The following GRK2 variants were observed in gnomAD, a reference collection of about 807,000 sequenced individuals.
GRK2 encodes the protein adrenergic beta receptor kinase 1.
A neutral mutation model predicts 97.8 loss-of-function variants in GRK2; 23 were observed. The ratio of observed to expected loss-of-function variants is 0.24; its 90% CI spans 0.17 to 0.33. The LOEUF is 0.33. Among genes scored for constraint, GRK2 ranks in the 10% least tolerant of loss-of-function variants. The pLI is 1.00. For synonymous variants in GRK2, 425 were observed against 381.7 expected (o/e 1.11, Z -1.32); for missense variants, 633 against 956.9 (o/e 0.66, Z 4.47).
intron 1 of GRK2, among the ~76,000 whole-genome samples, chr11:67,271,273 C>G (rs1468699030): frequency 6.6e-6 from 1 of 152,228 alleles, no homozygotes; most frequent in Non-Finnish European, 1.5e-5. Context: ...AACTGAGATA[C>G]TAAAAATGAG....
chr11:67,267,548 C>T (rs962854174), intron 1 of GRK2, among the ~76,000 whole-genome samples: 10 of 152,204 alleles, frequency 6.6e-5, no homozygotes. Context: ...CTCTGGCAGG[C>T]CCTGCATATG....
At chr11:67,280,870 G>T in intron 7 of GRK2, 87 bp downstream of exon 7, 1 of 1,473,528 alleles carries the variant, frequency 6.8e-7, no homozygotes, top group Non-Finnish European at 9.5e-7. Context: ...CTGGGAGGGG[G>T]AGGTCAGGGG....
chr11:67,285,134 C>CCT lies in GRK2; in HGVS notation c.1851_1852insCT (p.Lys618LeufsTer48). 6.2e-7 allele frequency: 1 copy of CCT among 1,613,592 alleles called. No homozygotes were observed. The highest frequency in any genetic ancestry group is 8.5e-7 in the Non-Finnish European group (1 of 1,179,962). On this transcript the variant is annotated frameshift_variant, in exon 20 of 21. Transcript: ENST00000308595. LOFTEE classifies it high-confidence loss of function. ...TGGAGGAGACGCAGATCAAGGAGCG[C>CCT]AAGTGCCTGCTCCTCAAGATCCGCG...
In GRK2 at chr11:67,282,056, G is replaced by A; in HGVS notation, c.957+104G>A. 1.4e-6 allele frequency: 2 copies of A among 1,480,452 alleles called. No homozygotes were observed. Among genetic ancestry groups the A allele is most frequent in the Non-Finnish European group, 1.9e-6 (2 of 1,081,028 alleles). The allele number at this position is 1,480,452 out of a possible 1,614,324, so 91.7% of individuals were successfully genotyped here. A position where few individuals can be genotyped will look rare whatever the true frequency, so the allele number is the denominator to read the frequency against. ...AGAGGAGTGGGGCTCCTGGGACATGGCCGCCCCGTATCTTCCCATCTCCGC... is the reference window on the plus strand; with the variant it reads ...AGAGGAGTGGGGCTCCTGGGACATGACCGCCCCGTATCTTCCCATCTCCGC... On this transcript the variant is annotated intron_variant, in intron 11 of 20. Transcript: ENST00000308595. The surrounding 1 kb of genome is among the most constrained non-coding windows in gnomAD (Gnocchi z 6.9).
intron 1 of GRK2, among the ~76,000 whole-genome samples, chr11:67,274,253 C>T (rs998000151): frequency 1.3e-5 from 2 of 151,808 alleles, no homozygotes; most frequent in Admixed American, 6.6e-5. Context: ...CCTCATGATT[C>T]GCCCGCCTCG....
In GRK2 at chr11:67,284,884, C is replaced by T. The variant is rs1411330822; in HGVS notation, c.1692C>T (p.Tyr564=). 2 of 1,613,468 alleles carry T rather than the reference C, an allele frequency of 1.2e-6. No homozygotes were observed. Among genetic ancestry groups the T allele is most frequent in the South Asian group, 1.1e-5 (1 of 91,078 alleles). The change falls in exon 19 of 21, where the codon TAC becomes TAT. Residue 564 remains tyrosine (Y), a synonymous_variant. Transcript: ENST00000308595. ...GCAAGGACTGCATCATGCATGGCTACATGTCCAAGATGGGCAACCCCTTCC... is the reference window on the plus strand; with the variant it reads ...GCAAGGACTGCATCATGCATGGCTATATGTCCAAGATGGGCAACCCCTTCC... ...ALGKDCIMHG[Y]MSKMGNPFLT... is the part of the protein sequence containing the mutation.
intron 2 of GRK2, among the ~76,000 whole-genome samples, chr11:67,278,401 A>C (rs1860078242): frequency 6.6e-6 from 1 of 151,926 alleles, no homozygotes. Flanking sequence ...GCATGAGGAC[A>C]CCCTATCTGG....
intron 1 of GRK2, among the ~76,000 whole-genome samples, chr11:67,273,235 G>GGCAACTCT (rs1298973956): frequency 2.0e-5 from 3 of 152,388 alleles, no homozygotes; most frequent in Non-Finnish European, 4.4e-5. Flanking sequence ...CCAGAGCAAA[G>GGCAACTCT]GCAACTCTGA....
rs57767154 is a variant in GRK2, at chr11:67,274,495, CTTTTTTTTTTTTT to C, written c.114-2762_114-2750del. Among the ~76,000 whole-genome samples, 12 of 22,480 alleles carry C rather than the reference CTTTTTTTTTTTTT, an allele frequency of 5.3e-4. 1 individual carries two copies. In the East Asian group the frequency reaches 8.1e-3, roughly 15 times the overall value. The allele number at this position is 22,480 out of a possible 152,430, so 14.7% of individuals were successfully genotyped here. A position where few individuals can be genotyped will look rare whatever the true frequency, so the allele number is the denominator to read the frequency against. ...TCGCTACCTTCCGCTTGACCAGCAC[CTTTTTTTTTTTTT>C]TTTTTTTTTTTTTTGCTTTTTTTCA... On this transcript the variant is annotated intron_variant, in intron 1 of 20. Coordinates refer to ENST00000308595, the MANE Select transcript of GRK2 (RefSeq NM_001619.5).
intron 1 of GRK2, among the ~76,000 whole-genome samples, chr11:67,271,679 G>T (rs1170350835): frequency 6.6e-6 from 1 of 152,252 alleles, no homozygotes; most frequent in Non-Finnish European, 1.5e-5. Context: ...CCGACACGAC[G>T]TTCCGGAGCC....
chr11:67,274,531 T>C (rs1418562961), intron 1 of GRK2, among the ~76,000 whole-genome samples: 2 of 137,706 alleles, frequency 1.5e-5, no homozygotes, highest in East Asian at 2.2e-4. Context: ...TTGCTTTTTT[T>C]CATCCCCTTC....
intron 15 of GRK2, 138 bp from the exon 16 acceptor site, chr11:67,283,569 C>T: frequency 1.2e-6 from 1 of 851,710 alleles, no homozygotes; most frequent in Non-Finnish European, 1.9e-6. Flanking sequence ...AACTTCTGTT[C>T]TCCCATTTGA....
At position 67,281,071 on chromosome 11, in the gene GRK2, C is replaced by T. The variant is rs200518241; in HGVS notation, c.556-22C>T. ...CTGGGCAGAGGCAGCCTGTGGTGAC[C>T]GCAGCTGTCGCTGCCCCTCAGCTGA... On this transcript the variant is annotated intron_variant, in intron 7 of 20. Coordinates refer to ENST00000308595, the MANE Select transcript of GRK2 (RefSeq NM_001619.5). This position sits in a 1 kb window ranked among gnomAD's most constrained non-coding sequence, Gnocchi z 5.7. 7.5e-4 allele frequency: 1,203 copies of T among 1,596,976 alleles called. 16 individuals carry two copies. In the East Asian group the frequency reaches 0.023, roughly 30 times the overall value.
rs1860163295 is a variant in GRK2, at chr11:67,281,996, C to T, written c.957+44C>T. On this transcript the variant is annotated intron_variant, in intron 11 of 20. Coordinates refer to ENST00000308595, the MANE Select transcript of GRK2 (RefSeq NM_001619.5). The surrounding 1 kb of genome is among the most constrained non-coding windows in gnomAD (Gnocchi z 5.7). Reference sequence around the variant, plus strand: ...CCCAGGCTGGACCTCCGTGGCTGTCCTCTCCTTCCTCTCGACATCCCGGCC... The same window carrying T: ...CCCAGGCTGGACCTCCGTGGCTGTCTTCTCCTTCCTCTCGACATCCCGGCC... 1 of 1,609,116 alleles carries T rather than the reference C, an allele frequency of 6.2e-7. No individual in the cohort carries two copies. The highest frequency in any genetic ancestry group is 1.3e-5 in the African/African-American group (1 of 74,976).
At position 67,283,469 on chromosome 11, in the gene GRK2, A is replaced by G. The variant is rs965945201; in HGVS notation, c.1329-238A>G. The G allele has an allele frequency of 4.8e-5, 29 of 610,100 alleles. No individual in the cohort carries two copies. The African/African-American group carries it at 5.0e-4, about 11-fold the overall frequency. 37.8% of individuals were successfully genotyped at this position (610,100 alleles called of 1,614,324 possible). On this transcript the variant is annotated intron_variant, in intron 15 of 20. Transcript: ENST00000308595. ...CCTTGTCACAGATGATGATGATAGC[A>G]GCTTTTTATGTTTATCAAACATTTA... is the stretch of plus-strand genomic sequence containing the variant.
intron 2 of GRK2, among the ~76,000 whole-genome samples, chr11:67,278,918 G>C (rs117537958): frequency 6.6e-6 from 1 of 152,146 alleles, no homozygotes; most frequent in Non-Finnish European, 1.5e-5. Context: ...AGCCAACCCC[G>C]CTCCTCTGCC....
rs1298973805 is a variant in GRK2, at chr11:67,282,226, C to T, written c.958-45C>T. 3 of 1,581,886 alleles carry T rather than the reference C, an allele frequency of 1.9e-6. No individual in the cohort carries two copies. The highest frequency in any genetic ancestry group is 2.6e-6 in the Non-Finnish European group (3 of 1,154,318). Reference sequence around the variant, plus strand: ...CAGCTGGCATCTTGCCTGGCTGGGCCCCATCCTGAGCTGCCCCAGGCAGCT... The same window carrying T: ...CAGCTGGCATCTTGCCTGGCTGGGCTCCATCCTGAGCTGCCCCAGGCAGCT... On this transcript the variant is annotated intron_variant, in intron 11 of 20. Coordinates refer to ENST00000308595, the MANE Select transcript of GRK2 (RefSeq NM_001619.5). This position sits in a 1 kb window ranked among gnomAD's most constrained non-coding sequence, Gnocchi z 6.9.
In GRK2 at chr11:67,277,358, G is replaced by A. The variant is rs1481504055; in HGVS notation, c.190+10G>A. 3 of 1,612,396 alleles carry A rather than the reference G, an allele frequency of 1.9e-6. No individual in the cohort carries two copies. The highest frequency in any genetic ancestry group is 2.5e-6 in the Non-Finnish European group (3 of 1,179,024). ...TTTTCCCAGAAGCTGGGTGAGTATGGCAGTGGCTCTGCCAGCCACCGGACT... is the reference window on the plus strand; with the variant it reads ...TTTTCCCAGAAGCTGGGTGAGTATGACAGTGGCTCTGCCAGCCACCGGACT... On this transcript the variant is annotated intron_variant, in intron 2 of 20. Transcript: ENST00000308595.
At chr11:67,285,228 C>A (rs1437990497) in intron 20 of GRK2, 40 bp downstream of exon 20, 1 of 1,611,524 alleles carries the variant, frequency 6.2e-7, no homozygotes, top group Admixed American at 1.7e-5. Context: ...GGCCGAGGGG[C>A]CAGGCCAGGC....
Sources: allele counts gnomAD v4.1 joint callset (sites outside exome capture counted in the v4.1 genomes callset), GRCh38; gene constraint gnomAD v4.1.1; non-coding constraint Gnocchi (gnomAD v3.1); transcripts MANE v1.5; gene names NCBI Gene and HGNC (gene_info 2026-07-23, HGNC 2026-07-21).